DNAH1: variants seen among roughly 807,000 people sequenced by gnomAD.
DNAH1 encodes the protein axonemal beta dynein heavy chain 1.
In DNAH1, 327 loss-of-function variants were observed where a neutral mutation model predicts 484.3. The observed-to-expected ratio is 0.68, with a 90% confidence interval of 0.62 to 0.74. The LOEUF (loss-of-function observed/expected upper bound fraction) is 0.74, where lower values mean the gene tolerates loss of function less well. Ranked by LOEUF, DNAH1 falls within the 30% of genes least tolerant of loss-of-function variation. DNAH1 has a pLI of 0.00. For missense variants in DNAH1, 5,052 were observed against 5,546.8 expected (o/e 0.91, Z 2.83); for synonymous variants, 2,192 against 2,191.9 (o/e 1.00, Z 0.00).
In DNAH1 at chr3:52,361,809, C is replaced by T. The variant is rs369082255; in HGVS notation, c.4980+43C>T. The T allele has an allele frequency of 2.5e-4, 393 of 1,545,760 alleles. 1 individual carries two copies. The highest frequency in any genetic ancestry group is 6.7e-4 in the Middle Eastern group (4 of 5,968). On this transcript the variant is annotated intron_variant, in intron 30 of 77. Transcript: ENST00000420323. The surrounding 1 kb of genome is among the most constrained non-coding windows in gnomAD (Gnocchi z 5.6). ...ACCTTACTCCCTCAGATCTGCCATA[C>T]TCACGCCGCCATACTGCTCCCCATT...
rs768900414 is a variant in DNAH1, at chr3:52,326,333, T to G, written c.581+19T>G. ...TCGAGAGGTACGGCTGGGTGGGCTG[T>G]GGGGAGACTGTCGGGGAGGTGGCAT... On this transcript the variant is annotated intron_variant, in intron 4 of 77. Transcript: ENST00000420323. 3.1e-6 allele frequency: 5 copies of G among 1,595,540 alleles called. No individual in the cohort carries two copies. In the East Asian group the frequency reaches 8.9e-5, roughly 29 times the overall value.
intron 8 of DNAH1, among the ~76,000 whole-genome samples, chr3:52,339,526 G>C (rs77715869): frequency 6.6e-6 from 1 of 152,082 alleles, no homozygotes; most frequent in East Asian, 1.9e-4. Flanking sequence ...TTTAGCTGAA[G>C]TATTGTGTTA....
In DNAH1 at chr3:52,358,498, G is replaced by A; in HGVS notation, c.4087-60G>A. 6.6e-7 allele frequency: 1 copy of A among 1,524,812 alleles called. No homozygotes were observed. Among genetic ancestry groups the A allele is most frequent in the South Asian group, 1.2e-5 (1 of 81,006 alleles). 94.5% of individuals were successfully genotyped at this position (1,524,812 alleles called of 1,614,324 possible). On this transcript the variant is annotated intron_variant, in intron 24 of 77. Coordinates refer to ENST00000420323, the MANE Select transcript of DNAH1 (RefSeq NM_015512.5). The surrounding 1 kb of genome is among the most constrained non-coding windows in gnomAD (Gnocchi z 4.2). ...GGGCAGGCTTAGCGCTGGGGCTGTG[G>A]TGGCCAGGGCATCTGGGCACACCAG...
At chr3:52,373,173 C>A in intron 44 of DNAH1, 120 bp downstream of exon 44, 2 of 1,271,424 alleles carry the variant, frequency 1.6e-6, no homozygotes, top group Non-Finnish European at 2.1e-6. Flanking sequence ...TTTAATTTCT[C>A]TTAAAATTAA....
chr3:52,397,777 C>G lies in DNAH1; in HGVS notation c.11858C>G (p.Ala3953Gly). 5.0e-6 allele frequency: 8 copies of G among 1,613,792 alleles called. No individual in the cohort carries two copies. Among genetic ancestry groups the G allele is most frequent in the Non-Finnish European group, 6.8e-6 (8 of 1,179,786 alleles). Reference sequence around the variant, plus strand: ...GAGATCTTTGGCCTGCATGACAATGCCAACATCACCTTTGCCCAGAACGAG... The same window carrying G: ...GAGATCTTTGGCCTGCATGACAATGGCAACATCACCTTTGCCCAGAACGAG... ...MPEIFGLHDN[A>G]NITFAQNETF... Residue 3953 changes from alanine to glycine, a missense_variant, in exon 74 of 78, where the codon GCC (alanine) becomes GGC (glycine). Coordinates refer to ENST00000420323, the MANE Select transcript of DNAH1 (RefSeq NM_015512.5).
chr3:52,328,140 G>A (rs1701419247), intron 6 of DNAH1, 126 bp downstream of exon 6: 2 of 1,249,942 alleles, frequency 1.6e-6, no homozygotes, highest in Admixed American at 4.8e-5. Context: ...CCTCTCAGCT[G>A]GTAGACAGGC....
In DNAH1 at chr3:52,346,702, C is replaced by A. The variant is rs1306197704; in HGVS notation, c.1887C>A (p.Thr629=). The part of the protein sequence containing the change: ...LASFSQFISD[T]CCSVLNCTDD... The stretch of plus-strand genomic sequence containing the variant: ...GCTTCTCACAGTTCATCAGCGACAC[C>A]TGTTGCAGCGTGCTCAACTGCACCG... Residue 629 remains threonine, a synonymous_variant, in exon 11 of 78, where the codon ACC becomes ACA. Coordinates refer to ENST00000420323, the MANE Select transcript of DNAH1 (RefSeq NM_015512.5). 6.2e-7 allele frequency: 1 copy of A among 1,614,006 alleles called. No homozygotes were observed.
rs778191005 is a variant in DNAH1, at chr3:52,398,078, C to T, written c.12005C>T (p.Pro4002Leu). 6.2e-6 allele frequency: 10 copies of T among 1,613,962 alleles called. No individual in the cohort carries two copies. The highest frequency in any genetic ancestry group is 1.7e-5 in the Admixed American group (1 of 60,012). Reference protein sequence around the residue: ...TQNILLKVPEPINLQWVMAKY... With the variant: ...TQNILLKVPELINLQWVMAKY... Reference sequence around the variant, plus strand: ...AACATTCTGCTCAAGGTGCCTGAGCCTATCAACTTGCAATGGGTGATGGCC... The same window carrying T: ...AACATTCTGCTCAAGGTGCCTGAGCTTATCAACTTGCAATGGGTGATGGCC... The change falls in exon 75 of 78, where the codon CCT becomes CTT. Residue 4002 changes from proline to leucine, a missense_variant. Pro to Leu is a moderately conservative substitution (Grantham distance 98). Coordinates refer to ENST00000420323, the MANE Select transcript of DNAH1 (RefSeq NM_015512.5).
rs1336036546 is a variant in DNAH1, at chr3:52,389,018, T to C, written c.9495+81T>C. On this transcript the variant is annotated intron_variant, in intron 59 of 77. Coordinates refer to ENST00000420323, the MANE Select transcript of DNAH1 (RefSeq NM_015512.5). ...CCCCCTTGAGGCCTCGCCTCCATGA[T>C]AGGCAGCCTGCAGGTGGCTCTCCGC... 2.8e-6 allele frequency: 4 copies of C among 1,451,768 alleles called. No individual in the cohort carries two copies. In the African/African-American group the frequency reaches 4.3e-5, roughly 15 times the overall value. 89.9% of individuals were successfully genotyped at this position (1,451,768 alleles called of 1,614,324 possible). A position where few individuals can be genotyped will look rare whatever the true frequency, so the allele number is the denominator to read the frequency against.
In DNAH1 at chr3:52,395,970, A is replaced by C. The variant is rs1578206131; in HGVS notation, c.11259+292A>C. Among the ~76,000 whole-genome samples, 2 of 124,178 alleles carry C rather than the reference A, an allele frequency of 1.6e-5. No individual in the cohort carries two copies. The allele number at this position is 124,178 out of a possible 152,430, so 81.5% of individuals were successfully genotyped here. On this transcript the variant is annotated intron_variant, in intron 70 of 77. Coordinates refer to ENST00000420323, the MANE Select transcript of DNAH1 (RefSeq NM_015512.5). This position sits in a 1 kb window ranked among gnomAD's most constrained non-coding sequence, Gnocchi z 4.4. ...TTTTTTTTTTTTCAGACGGAGTCTC[A>C]CTCTGTCACCGGGGCTGGGGTGCAG...
chr3:52,328,318 C>T (rs1369627629), intron 6 of DNAH1, among the ~76,000 whole-genome samples: 2 of 152,164 alleles, frequency 1.3e-5, no homozygotes, highest in Admixed American at 1.3e-4. Flanking sequence ...GCACGAGGGG[C>T]ACAATTCCAC....
intron 58 of DNAH1, 98 bp downstream of exon 58, chr3:52,388,707 AC>A: frequency 6.2e-7 from 1 of 1,604,524 alleles, no homozygotes; most frequent in Admixed American, 1.7e-5. Context: ...GGCTGTCCAC[AC>A]CCCCTCCCTG....
chr3:52,393,394 A>G lies in DNAH1; in HGVS notation c.10535A>G (p.Asn3512Ser). The G allele has an allele frequency of 6.2e-7, 1 of 1,614,046 alleles. No individual in the cohort carries two copies. The highest frequency in any genetic ancestry group is 8.5e-7 in the Non-Finnish European group (1 of 1,179,896). ...TACCTGACCTACAGCCTCTACAGCA[A>G]CGTCTGCCGCAGCCTCTTTGAGAAG... ...NRYLTYSLYS[N>S]VCRSLFEKHK... Residue 3512 changes from asparagine (N) to serine (S), a missense_variant, in exon 66 of 78, where the codon AAC becomes AGC. Physicochemically the swap from Asn to Ser is conservative, Grantham distance 46 (BLOSUM62 1). This residue lies in a region of DNAH1 where 2,929 missense variants were observed against 3,409.4 expected (regional missense o/e 0.86). Coordinates refer to ENST00000420323, the MANE Select transcript of DNAH1 (RefSeq NM_015512.5).
chr3:52,331,619 C>CTTTTTTTTT (rs36097098), intron 7 of DNAH1, among the ~76,000 whole-genome samples: 2 of 111,370 alleles, frequency 1.8e-5, no homozygotes, highest in African/African-American at 3.1e-5. Flanking sequence ...AAATACTTTT[C>CTTTTTTTTT]TTTTTTTTTT....
In DNAH1 at chr3:52,364,393, G is replaced by A. The variant is rs1412861569; in HGVS notation, c.5245-245G>A. ...CCATGTGCTGGGACAGTGACCAAAGGATGCAGAATGGGTATCGGATAAAGG... is the reference window on the plus strand; with the variant it reads ...CCATGTGCTGGGACAGTGACCAAAGAATGCAGAATGGGTATCGGATAAAGG... On this transcript the variant is annotated intron_variant, in intron 32 of 77. Transcript: ENST00000420323. This position sits in a 1 kb window ranked among gnomAD's most constrained non-coding sequence, Gnocchi z 4.2. 1.3e-5 allele frequency among the ~76,000 whole-genome samples: 2 copies of A among 152,226 alleles called. No homozygotes were observed. The highest frequency in any genetic ancestry group is 3.9e-4 in the East Asian group (2 of 5,194).
At chr3:52,373,900 C>T (rs1703466619) in intron 44 of DNAH1, 10 of 1,381,482 alleles carry the variant, frequency 7.2e-6, no homozygotes, top group South Asian at 1.2e-5. Context: ...TCCAATCCTA[C>T]GGGAGCAGAA....
At chr3:52,359,561 C>T (rs1037998625) in intron 26 of DNAH1, among the ~76,000 whole-genome samples, 175 bp downstream of exon 26, 10 of 152,300 alleles carry the variant, frequency 6.6e-5, no homozygotes, top group South Asian at 2.1e-4. Context: ...ACAGGAAGGA[C>T]GGGCCTGAGG....
chr3:52,371,828 C>T (rs1703351660), intron 41 of DNAH1, 118 bp from the exon 42 acceptor site: 15 of 1,458,058 alleles, frequency 1.0e-5, no homozygotes, highest in South Asian at 1.3e-5. Flanking sequence ...CACCTGGACC[C>T]GCTTGCCAAA....
chr3:52,316,840 G>A lies in DNAH1; in HGVS notation c.-35+295G>A, dbSNP rs1302529337. Among the ~76,000 whole-genome samples the A allele has an allele frequency of 5.3e-5, 8 of 152,302 alleles. No homozygotes were observed. The South Asian group carries it at 6.2e-4, about 12-fold the overall frequency. On this transcript the variant is annotated intron_variant, in intron 1 of 77. Transcript: ENST00000420323. ...CCTATGACCTCCCCTAGTACTAACC[G>A]TCTCAGCAAGTCTGTTTCCCCATCT...
Sources: allele counts gnomAD v4.1 joint callset (sites outside exome capture counted in the v4.1 genomes callset), GRCh38; gene constraint gnomAD v4.1.1; regional missense constraint gnomAD v4.1.1; non-coding constraint Gnocchi (gnomAD v3.1); transcripts MANE v1.5; gene names NCBI Gene and HGNC (gene_info 2026-07-23, HGNC 2026-07-21).